Variants in RNFT1 observed in about 807,000 individuals in gnomAD.
RNFT1 encodes the protein ring finger protein, transmembrane 1.
RNFT1 carries 35 observed loss-of-function variants against 53.2 expected under a neutral mutation model. That is an observed-to-expected ratio of 0.66 (90% CI 0.50 to 0.87). RNFT1 has a LOEUF of 0.87. Among genes scored for constraint, RNFT1 ranks in the 40% least tolerant of loss-of-function variants. The pLI, the probability that RNFT1 is intolerant of heterozygous loss-of-function variation, is 0.00. For synonymous variants in RNFT1, 141 were observed against 172.8 expected (o/e 0.82, Z 1.44); for missense variants, 421 against 515.0 (o/e 0.82, Z 1.77).
At chr17:59,960,317 A>C (rs1568545048) in intron 3 of RNFT1, 149 bp from the exon 4 acceptor site, 2 of 777,468 alleles carry the variant, frequency 2.6e-6, no homozygotes, top group Non-Finnish European at 3.7e-6. Flanking sequence ...CATCACAGTT[A>C]CTGTTTTATA....
chr17:59,959,176 A>T (rs1157207197), intron 4 of RNFT1, among the ~76,000 whole-genome samples: 2 of 152,158 alleles, frequency 1.3e-5, no homozygotes, highest in African/African-American at 4.8e-5. Flanking sequence ...AAACAAAATT[A>T]TTGATTTTTC....
At chr17:59,963,974 T>C (rs1598867745) in intron 1 of RNFT1, among the ~76,000 whole-genome samples, 1 of 152,202 alleles carries the variant, frequency 6.6e-6, no homozygotes, top group Admixed American at 6.5e-5. Context: ...GGTAACTCTT[T>C]AGTCTGAATA....
rs1274455988 is a variant in RNFT1, at chr17:59,958,239, A to G, written c.846+52T>C. ...TTCATTTAAACAAAGACTAAATAGC[A>G]TTAATGTGATTCGATAACATCACTC... On this transcript the variant is annotated intron_variant, in intron 5 of 8. Coordinates refer to ENST00000305783, the MANE Select transcript of RNFT1 (RefSeq NM_016125.4). 57 of 1,512,064 alleles carry G rather than the reference A, an allele frequency of 3.8e-5. No individual in the cohort carries two copies. The Admixed American group carries it at 1.4e-3, about 37-fold the overall frequency. The allele number at this position is 1,512,064 out of a possible 1,614,324, so 93.7% of individuals were successfully genotyped here. A position where few individuals can be genotyped will look rare whatever the true frequency, so the allele number is the denominator to read the frequency against.
Position 59,953,080 on chromosome 17 carries a change from C to T in RNFT1, c.1205G>A (p.Trp402Ter). 6.2e-7 allele frequency: 1 copy of T among 1,610,688 alleles called. No homozygotes were observed. The highest frequency in any genetic ancestry group is 8.5e-7 in the Non-Finnish European group (1 of 1,177,178). ...TGGACATGTTTTCTCTCTGTTAAACCATAAGGTCATGCACTCTTCACAAAA... is the reference window on the plus strand; with the variant it reads ...TGGACATGTTTTCTCTCTGTTAAACTATAAGGTCATGCACTCTTCACAAAA... ...HIFCEECMTL[W>*]FNREKTCPLC... is the part of the protein sequence containing the mutation. The change falls in exon 9 of 9, where the codon TGG becomes TAG. Residue 402 changes from tryptophan to a stop codon, truncating the protein, a stop_gained. Transcript: ENST00000305783. LOFTEE classifies it high-confidence loss of function.
At chr17:59,964,510 C>T (rs2045320006) in intron 1 of RNFT1, 98 bp downstream of exon 1, 3 of 1,093,212 alleles carry the variant, frequency 2.7e-6, no homozygotes, top group East Asian at 2.9e-5. Flanking sequence ...GCAGAGTTCT[C>T]CACCCACGTC....
chr17:59,957,801 C>T (rs2045263382), intron 5 of RNFT1, among the ~76,000 whole-genome samples: 2 of 152,104 alleles, frequency 1.3e-5, no homozygotes, highest in African/African-American at 4.8e-5. Context: ...GCCAAGATCA[C>T]ACCACTGCAC....
intron 3 of RNFT1, among the ~76,000 whole-genome samples, chr17:59,962,057 T>G (rs1171637210): frequency 9.9e-5 from 15 of 151,984 alleles, no homozygotes; most frequent in Admixed American, 9.8e-4. Context: ...AGCTAATTTT[T>G]TGTATTTTTA....
intron 4 of RNFT1, 112 bp downstream of exon 4, chr17:59,959,956 T>A: frequency 9.1e-7 from 1 of 1,096,568 alleles, no homozygotes; most frequent in Non-Finnish European, 1.2e-6. Context: ...AGGAGAAAGT[T>A]AAAAACTGAA....
chr17:59,960,992 G>C (rs1012588444), intron 3 of RNFT1, among the ~76,000 whole-genome samples: 9 of 151,378 alleles, frequency 5.9e-5, no homozygotes, highest in African/African-American at 1.9e-4. Context: ...CTAGGCTCAA[G>C]CATTCTTCCC....
intron 4 of RNFT1, among the ~76,000 whole-genome samples, chr17:59,958,956 CTCT>C (rs2045270598): frequency 6.6e-6 from 1 of 152,110 alleles, no homozygotes; most frequent in Non-Finnish European, 1.5e-5. Context: ...TTTGCTGTTT[CTCT>C]TCTAATTGTG....
chr17:59,962,745 T>G lies in RNFT1; in HGVS notation c.514+82A>C, dbSNP rs891841539. 5.2e-6 allele frequency: 7 copies of G among 1,343,358 alleles called. No individual in the cohort carries two copies. The African/African-American group carries it at 1.0e-4, about 20-fold the overall frequency. 83.2% of individuals were successfully genotyped at this position (1,343,358 alleles called of 1,614,324 possible). Reference sequence around the variant, plus strand: ...AGCTCACAGAAAATAAGTAACTGGATGCATTAAGTAGATTACCAATAATGA... The same window carrying G: ...AGCTCACAGAAAATAAGTAACTGGAGGCATTAAGTAGATTACCAATAATGA... On this transcript the variant is annotated intron_variant, in intron 2 of 8. Transcript: ENST00000305783.
Position 59,964,659 on chromosome 17 carries a change from G to C in RNFT1, c.5C>G (p.Pro2Arg). M[P>R]LFLLSLPTPP... ...TGTCGGGAGCGACAGCAAGAACAGC[G>C]GCATACACCGCCTCCAGCCCTTCAG... The change falls in exon 1 of 9, where the codon CCG becomes CGG. Residue 2 changes from proline to arginine, a missense_variant. Pro to Arg is a moderately radical substitution (Grantham distance 103). Transcript: ENST00000305783. 1 of 1,606,706 alleles carries C rather than the reference G, an allele frequency of 6.2e-7. No homozygotes were observed. Among genetic ancestry groups the C allele is most frequent in the Non-Finnish European group, 8.5e-7 (1 of 1,176,808 alleles).
chr17:59,962,514 A>G, intron 3 of RNFT1, 26 bp downstream of exon 3: 1 of 1,429,080 alleles, frequency 7.0e-7, no homozygotes, highest in Non-Finnish European at 9.7e-7. Flanking sequence ...ACAGTTAATA[A>G]TTTTTTAGTT....
intron 4 of RNFT1, 152 bp downstream of exon 4, chr17:59,959,916 A>G: frequency 2.0e-5 from 4 of 201,462 alleles, no homozygotes; most frequent in Non-Finnish European, 3.6e-5. Context: ...TCTCAAAAAG[A>G]AAAAAAAAAA....
At chr17:59,957,848 AC>A (rs765486635) in intron 5 of RNFT1, among the ~76,000 whole-genome samples, 6 of 152,108 alleles carry the variant, frequency 3.9e-5, no homozygotes, top group Admixed American at 3.9e-4. Context: ...CAATCTCAAA[AC>A]AAAACAAAAC....
At chr17:59,960,690 G>GT (rs2045285060) in intron 3 of RNFT1, among the ~76,000 whole-genome samples, 1 of 151,760 alleles carries the variant, frequency 6.6e-6, no homozygotes, top group Non-Finnish European at 1.5e-5. Flanking sequence ...GCACGTGCCT[G>GT]TAATCCCAGC....
At chr17:59,960,489 A>C (rs1482296835) in intron 3 of RNFT1, among the ~76,000 whole-genome samples, 1 of 147,868 alleles carries the variant, frequency 6.8e-6, no homozygotes, top group Non-Finnish European at 1.5e-5. Flanking sequence ...AAAAAAAAAG[A>C]AGCCAGGTCT....
rs1355821965 is a variant in RNFT1 at position 59,964,708 on chromosome 17, C to T, written c.-45G>A. The T allele has an allele frequency of 3.9e-6, 6 of 1,557,244 alleles. No individual in the cohort carries two copies. In the African/African-American group the frequency reaches 4.1e-5, roughly 11 times the overall value. ...AGTCGGGGCCATCAACCGCAAACCCCGCAAGCTCTTCTCTCAGCCCGGCGG... is the reference window on the plus strand; with the variant it reads ...AGTCGGGGCCATCAACCGCAAACCCTGCAAGCTCTTCTCTCAGCCCGGCGG... On this transcript the variant is annotated 5_prime_UTR_variant, in exon 1 of 9. Coordinates refer to ENST00000305783, the MANE Select transcript of RNFT1 (RefSeq NM_016125.4).
At chr17:59,960,765 A>G (rs1410645368) in intron 3 of RNFT1, among the ~76,000 whole-genome samples, 11 of 152,054 alleles carry the variant, frequency 7.2e-5, no homozygotes, top group Non-Finnish European at 1.5e-4. Flanking sequence ...GTGAGCCAAG[A>G]TCACGCCACT....
Sources: allele counts gnomAD v4.1 joint callset (sites outside exome capture counted in the v4.1 genomes callset), GRCh38; gene constraint gnomAD v4.1.1; transcripts MANE v1.5; gene names NCBI Gene and HGNC (gene_info 2026-07-23, HGNC 2026-07-21).